The following NEK6 variants were observed in gnomAD, a reference collection of about 807,000 sequenced individuals.
NEK6 encodes serine/threonine-protein kinase Nek6.
Under a neutral mutation model 43.5 loss-of-function variants are expected in NEK6, and 27 were observed. That is an observed-to-expected ratio of 0.62 (90% CI 0.46 to 0.86). The LOEUF is 0.86. Among genes scored for constraint, NEK6 ranks in the 40% least tolerant of loss-of-function variants. The pLI is 0.00. For synonymous variants in NEK6, 167 were observed against 164.1 expected (o/e 1.02, Z -0.14); for missense variants, 318 against 414.4 (o/e 0.77, Z 2.02).
At position 124,275,341 on chromosome 9, in the gene NEK6, G is replaced by A. The variant is rs116672063; in HGVS notation, c.-30+17256G>A. On this transcript the variant is annotated intron_variant, in intron 1 of 9. Coordinates refer to ENST00000320246, the MANE Select transcript of NEK6 (RefSeq NM_014397.6). The surrounding 1 kb of genome is among the most constrained non-coding windows in gnomAD (Gnocchi z 4.4). Reference sequence around the variant, plus strand: ...TCATGGTTTCACCTGCCTGAGCCTCGGTTTCCTCATCTTCACTCCCAGCAC... The same window carrying A: ...TCATGGTTTCACCTGCCTGAGCCTCAGTTTCCTCATCTTCACTCCCAGCAC... Among the ~76,000 whole-genome samples, 460 of 152,242 alleles carry A rather than the reference G, an allele frequency of 3.0e-3. 3 individuals are homozygous for A. Among genetic ancestry groups the A allele is most frequent in the Middle Eastern group, 6.8e-3 (2 of 294 alleles).
chr9:124,348,917 T>G (rs1830105321), intron 9 of NEK6, among the ~76,000 whole-genome samples: 1 of 152,272 alleles, frequency 6.6e-6, no homozygotes, highest in Non-Finnish European at 1.5e-5. Flanking sequence ...AGGCAGGATC[T>G]GAACCCACAT....
intron 1 of NEK6, among the ~76,000 whole-genome samples, chr9:124,265,188 T>C (rs1831182605): frequency 6.6e-6 from 1 of 152,164 alleles, no homozygotes; most frequent in African/African-American, 2.4e-5. Flanking sequence ...CATCCAGCGG[T>C]TTGCTTTAAA....
intron 5 of NEK6, 120 bp downstream of exon 5, chr9:124,321,689 ACCCTGGGCGCCC>A: frequency 1.5e-6 from 1 of 663,816 alleles, no homozygotes; most frequent in Non-Finnish European, 2.6e-6. Flanking sequence ...CCACCCGGGG[ACCCTGGGCGCCC>A]CCCTGCAGAT....
At chr9:124,271,501 G>A (rs1386665979) in intron 1 of NEK6, among the ~76,000 whole-genome samples, 1 of 152,258 alleles carries the variant, frequency 6.6e-6, no homozygotes, top group East Asian at 1.9e-4. Flanking sequence ...AGTACTTTCC[G>A]TGTGTTGCCT....
At chr9:124,289,587 T>C (rs1832319763) in intron 1 of NEK6, among the ~76,000 whole-genome samples, 1 of 152,156 alleles carries the variant, frequency 6.6e-6, no homozygotes, top group South Asian at 2.1e-4. Context: ...AGGAAGGCAG[T>C]GTGCAGGGGC....
intron 8 of NEK6, among the ~76,000 whole-genome samples, 194 bp from the exon 9 acceptor site, chr9:124,347,515 T>C: frequency 6.6e-6 from 1 of 152,200 alleles, no homozygotes; most frequent in Non-Finnish European, 1.5e-5. Flanking sequence ...AGTGACAGAA[T>C]CAGGGTAGTG....
rs1360216078 is a variant in NEK6 at position 124,351,635 on chromosome 9, C to A, written c.*688C>A. ...CTGCTGTGTACCAGGAACTTCGTCA[C>A]CTCCTTGAATGCTGGCGGTTCATTT... On this transcript the variant is annotated 3_prime_UTR_variant, in exon 10 of 10. Coordinates refer to ENST00000320246, the MANE Select transcript of NEK6 (RefSeq NM_014397.6). The A allele has an allele frequency of 6.6e-6, 1 of 152,210 alleles. No homozygotes were observed. The allele number at this position is 152,210 out of a possible 1,614,324, so 9.4% of individuals were successfully genotyped here.
At chr9:124,302,194 G>C in intron 2 of NEK6, 140 bp downstream of exon 2, 1 of 615,426 alleles carries the variant, frequency 1.6e-6, no homozygotes. Flanking sequence ...TCCAGTGATG[G>C]GGAGCTCGCT....
chr9:124,312,039 C>T (rs1833553808), intron 2 of NEK6, among the ~76,000 whole-genome samples: 1 of 152,180 alleles, frequency 6.6e-6, no homozygotes, highest in African/African-American at 2.4e-5. Flanking sequence ...AACGGCTGCC[C>T]CAGGAAGGGA....
rs2131123363 is a variant in NEK6 at position 124,351,091 on chromosome 9, C to G, written c.*144C>G. ...CCCAAAAGGCTGCCCAGCCTTACAG[C>G]AGATGCTGAAGGCAGAGCAGCTGAG... On this transcript the variant is annotated 3_prime_UTR_variant, in exon 10 of 10. Transcript: ENST00000320246. 1.7e-6 allele frequency: 1 copy of G among 604,134 alleles called. No individual in the cohort carries two copies. Among genetic ancestry groups the G allele is most frequent in the Non-Finnish European group, 3.0e-6 (1 of 338,320 alleles). 37.4% of individuals were successfully genotyped at this position (604,134 alleles called of 1,614,324 possible).
intron 7 of NEK6, among the ~76,000 whole-genome samples, chr9:124,333,250 G>A (rs992951322): frequency 1.3e-5 from 2 of 152,244 alleles, no homozygotes; most frequent in South Asian, 4.1e-4. Context: ...GCTATTGTCA[G>A]CGTAGACACC....
At position 124,324,450 on chromosome 9, in the gene NEK6, G is replaced by C. The variant is rs1834231719; in HGVS notation, c.406-1880G>C. Among the ~76,000 whole-genome samples the C allele has an allele frequency of 6.6e-6, 1 of 152,232 alleles. No homozygotes were observed. The highest frequency in any genetic ancestry group is 2.4e-5 in the African/African-American group (1 of 41,460). On this transcript the variant is annotated intron_variant, in intron 5 of 9. Transcript: ENST00000320246. The surrounding 1 kb of genome is among the most constrained non-coding windows in gnomAD (Gnocchi z 5.3). Reference sequence around the variant, plus strand: ...TTTACGAGGAAGAGTGAAGCTAGGAGCTGCCGTAGCCCCAGAACCCACCAG... The same window carrying C: ...TTTACGAGGAAGAGTGAAGCTAGGACCTGCCGTAGCCCCAGAACCCACCAG...
At chr9:124,317,973 C>T (rs1047913353) in intron 4 of NEK6, among the ~76,000 whole-genome samples, 15 of 152,172 alleles carry the variant, frequency 9.9e-5, no homozygotes, top group East Asian at 1.9e-4. Context: ...TGAATAGCGC[C>T]GTGATGGACA....
chr9:124,279,885 T>G (rs920143734), intron 1 of NEK6, among the ~76,000 whole-genome samples: 2 of 152,258 alleles, frequency 1.3e-5, no homozygotes, highest in African/African-American at 4.8e-5. Flanking sequence ...GGGGAAGGCC[T>G]TCTCTCTCTT....
intron 2 of NEK6, among the ~76,000 whole-genome samples, chr9:124,303,618 C>T (rs1390185113): frequency 1.3e-5 from 2 of 152,134 alleles, no homozygotes; most frequent in Non-Finnish European, 2.9e-5. Flanking sequence ...TATATGCATA[C>T]ACACAAGCAT....
At chr9:124,283,935 C>G (rs1832036696) in intron 1 of NEK6, among the ~76,000 whole-genome samples, 1 of 152,210 alleles carries the variant, frequency 6.6e-6, no homozygotes, top group Admixed American at 6.5e-5. Context: ...GGAGATTGGT[C>G]CCCCTTGCCT....
intron 1 of NEK6, among the ~76,000 whole-genome samples, chr9:124,290,904 C>A (rs1481177749): frequency 6.6e-6 from 1 of 152,204 alleles, no homozygotes; most frequent in Non-Finnish European, 1.5e-5. Context: ...GGTAGCAGTT[C>A]CAGGGCCTGC....
intron 2 of NEK6, among the ~76,000 whole-genome samples, chr9:124,307,130 TA>T (rs3050234): frequency 2.0e-4 from 30 of 149,794 alleles, no homozygotes; most frequent in African/African-American, 5.4e-4. Flanking sequence ...TGCTCCTGTT[TA>T]AAAAAAAAAA....
At chr9:124,312,694 G>A in intron 3 of NEK6, 45 bp downstream of exon 3, 1 of 1,583,920 alleles carries the variant, frequency 6.3e-7, no homozygotes, top group Non-Finnish European at 8.6e-7. Flanking sequence ...TCGGGAGGTG[G>A]TCTCTGCATC....
Sources: gnomAD v4.1 joint callset for allele counts (sites outside exome capture counted in the v4.1 genomes callset) on GRCh38, gnomAD v4.1.1 for gene constraint, Gnocchi (gnomAD v3.1) non-coding constraint, MANE v1.5 for transcripts, NCBI Gene and HGNC (gene_info 2026-07-23, HGNC 2026-07-21) for gene names.